The following CAMKMT variants were observed in gnomAD, a reference collection of about 807,000 sequenced individuals.
CAMKMT encodes CaM KMT.
In CAMKMT, 53 loss-of-function variants were observed where a neutral mutation model predicts 48.0. The ratio of observed to expected loss-of-function variants is 1.10; its 90% confidence interval spans 0.89 to 1.39. The LOEUF is 1.39. Ranked by LOEUF, CAMKMT falls within the 40% of genes most tolerant of loss-of-function variation. The pLI, the probability that CAMKMT is intolerant of heterozygous loss-of-function variation, is 0.00. For synonymous variants in CAMKMT, 165 were observed against 152.3 expected (o/e 1.08, Z -0.61); for missense variants, 428 against 402.7 (o/e 1.06, Z -0.54).
chr2:44,445,496 C>G (rs531341046), intron 3 of CAMKMT, among the ~76,000 whole-genome samples: 3 of 152,200 alleles, frequency 2.0e-5, no homozygotes, highest in East Asian at 1.9e-4. Flanking sequence ...CCTTGGTTCT[C>G]TCTTCACAGA....
chr2:44,713,412 C>T (rs968934432), intron 6 of CAMKMT, among the ~76,000 whole-genome samples: 6 of 152,082 alleles, frequency 3.9e-5, no homozygotes, highest in African/African-American at 1.4e-4. Flanking sequence ...AAACAGTTGT[C>T]AGCTGACTCT....
intron 3 of CAMKMT, among the ~76,000 whole-genome samples, chr2:44,447,555 C>G (rs915804681): frequency 2.6e-5 from 4 of 152,204 alleles, no homozygotes; most frequent in Admixed American, 6.5e-5. Flanking sequence ...GCATGTTTAT[C>G]TTGGGTTTAT....
At chr2:44,409,265 G>A (rs1417768919) in intron 3 of CAMKMT, among the ~76,000 whole-genome samples, 1 of 151,298 alleles carries the variant, frequency 6.6e-6, no homozygotes, top group East Asian at 2.0e-4. Flanking sequence ...CATTCTTGCA[G>A]GTATGTATTA....
At chr2:44,401,478 A>G (rs1257689046) in intron 3 of CAMKMT, among the ~76,000 whole-genome samples, 2 of 151,722 alleles carry the variant, frequency 1.3e-5, no homozygotes, top group Non-Finnish European at 2.9e-5. Context: ...AATCTATTGA[A>G]CCCGGGAGGC....
intron 3 of CAMKMT, among the ~76,000 whole-genome samples, chr2:44,607,992 C>T (rs1373991583): frequency 6.6e-6 from 1 of 151,576 alleles, no homozygotes; most frequent in Non-Finnish European, 1.5e-5. Flanking sequence ...TATGTAAAAT[C>T]ACATACCAGG....
At chr2:44,656,816 A>G (rs1354612195) in intron 3 of CAMKMT, among the ~76,000 whole-genome samples, 1 of 152,192 alleles carries the variant, frequency 6.6e-6, no homozygotes, top group Non-Finnish European at 1.5e-5. Flanking sequence ...TGACAGAAAA[A>G]AAGTTCCTAT....
intron 3 of CAMKMT, among the ~76,000 whole-genome samples, chr2:44,605,563 A>T (rs1490603145): frequency 6.6e-6 from 1 of 152,182 alleles, no homozygotes; most frequent in Non-Finnish European, 1.5e-5. Context: ...TCATTGAAAA[A>T]GTGTAGTTTC....
At chr2:44,597,054 C>G (rs528267516) in intron 3 of CAMKMT, among the ~76,000 whole-genome samples, 1 of 152,154 alleles carries the variant, frequency 6.6e-6, no homozygotes, top group African/African-American at 2.4e-5. Flanking sequence ...TAAAGTCACC[C>G]TAGAAGTTGA....
intron 3 of CAMKMT, among the ~76,000 whole-genome samples, chr2:44,612,175 C>G (rs1572917031): frequency 7.8e-6 from 1 of 128,114 alleles, no homozygotes; most frequent in Non-Finnish European, 1.7e-5. Flanking sequence ...TAACAGGAAG[C>G]CGTTATCATT....
intron 3 of CAMKMT, among the ~76,000 whole-genome samples, chr2:44,488,172 T>G (rs1669300084): frequency 6.6e-6 from 1 of 152,166 alleles, no homozygotes; most frequent in Admixed American, 6.5e-5. Context: ...GGATATGAAA[T>G]GTGTAAGTTT....
At chr2:44,490,075 C>T (rs1171420796) in intron 3 of CAMKMT, among the ~76,000 whole-genome samples, 2 of 151,942 alleles carry the variant, frequency 1.3e-5, no homozygotes, top group African/African-American at 4.8e-5. Context: ...ATGCAACATC[C>T]AGTTATAGTA....
intron 1 of CAMKMT, among the ~76,000 whole-genome samples, chr2:44,365,638 C>G (rs576785926): frequency 2.0e-5 from 3 of 152,290 alleles, no homozygotes; most frequent in African/African-American, 7.2e-5. Context: ...CAAGGTTAGA[C>G]CAATTGCTGT....
intron 3 of CAMKMT, among the ~76,000 whole-genome samples, chr2:44,697,963 G>T (rs1443890773): frequency 6.6e-6 from 1 of 152,138 alleles, no homozygotes; most frequent in Non-Finnish European, 1.5e-5. Flanking sequence ...AAGGGGCTTG[G>T]TGCTACTGTT....
intron 2 of CAMKMT, among the ~76,000 whole-genome samples, chr2:44,387,462 A>G (rs1253392113): frequency 6.6e-6 from 1 of 151,974 alleles, no homozygotes; most frequent in Non-Finnish European, 1.5e-5. Flanking sequence ...GTTTTGATCT[A>G]TTTTACGGTT....
At chr2:44,730,380 G>A (rs919937983) in intron 7 of CAMKMT, among the ~76,000 whole-genome samples, 6 of 152,150 alleles carry the variant, frequency 3.9e-5, no homozygotes, top group African/African-American at 7.2e-5. Context: ...TAGGGCCATC[G>A]GTAATTCTTT....
intron 3 of CAMKMT, among the ~76,000 whole-genome samples, chr2:44,537,394 A>G (rs1169619251): frequency 6.6e-6 from 1 of 152,198 alleles, no homozygotes; most frequent in Non-Finnish European, 1.5e-5. Flanking sequence ...AGACATACAA[A>G]TGGCCAGTAG....
intron 3 of CAMKMT, among the ~76,000 whole-genome samples, chr2:44,524,364 C>T (rs770540476): frequency 6.6e-6 from 1 of 152,136 alleles, no homozygotes; most frequent in Non-Finnish European, 1.5e-5. Context: ...TTTTCCAGGA[C>T]TAACGTTGGA....
intron 3 of CAMKMT, among the ~76,000 whole-genome samples, chr2:44,437,618 TG>T (rs1666345172): frequency 6.6e-6 from 1 of 151,942 alleles, no homozygotes; most frequent in Non-Finnish European, 1.5e-5. Flanking sequence ...GAGGCTGAGG[TG>T]GTTGGATCAT....
chr2:44,664,030 C>T (rs1674825792), intron 3 of CAMKMT, among the ~76,000 whole-genome samples: 1 of 152,160 alleles, frequency 6.6e-6, no homozygotes. Context: ...TAAGTCATTA[C>T]TGCAGCAAAG....
Sources: gnomAD v4.1 joint callset for allele counts (sites outside exome capture counted in the v4.1 genomes callset) on GRCh38, gnomAD v4.1.1 for gene constraint, MANE v1.5 for transcripts, NCBI Gene and HGNC (gene_info 2026-07-23, HGNC 2026-07-21) for gene names.